Variants in HYAL4 observed in about 807,000 individuals in gnomAD.
The protein encoded by HYAL4 is hyaluronidase-4.
HYAL4 carries 37 observed loss-of-function variants against 35.2 expected under a neutral mutation model. The observed-to-expected ratio is 1.05, with a 90% CI of 0.81 to 1.38. The LOEUF (loss-of-function observed/expected upper bound fraction) is 1.38, where lower values mean the gene tolerates loss of function less well. HYAL4 is among the 40% of genes most tolerant of loss of function. The pLI is 0.00. For synonymous variants in HYAL4, 198 were observed against 203.2 expected (o/e 0.97, Z 0.22); for missense variants, 572 against 572.4 (o/e 1.00, Z 0.01).
the HYAL4 span, among the ~76,000 whole-genome samples, chr7:123,784,417 A>G: frequency 6.6e-6 from 1 of 152,210 alleles, no homozygotes; most frequent in African/African-American, 2.4e-5. Flanking sequence ...CACTGACCTC[A>G]CTTAATGACC....
the HYAL4 span, among the ~76,000 whole-genome samples, chr7:123,816,427 T>C: frequency 6.6e-6 from 1 of 152,176 alleles, no homozygotes; most frequent in East Asian, 1.9e-4. Flanking sequence ...TATTTATTCA[T>C]TGAGAAATTC....
the HYAL4 span, among the ~76,000 whole-genome samples, chr7:123,779,097 G>A: frequency 6.6e-6 from 1 of 152,022 alleles, no homozygotes; most frequent in African/African-American, 2.4e-5. Flanking sequence ...GCTTATATAA[G>A]ATTCCAGATT....
the HYAL4 span, among the ~76,000 whole-genome samples, chr7:123,780,544 A>G: frequency 2.0e-5 from 3 of 152,326 alleles, 1 homozygote; most frequent in South Asian, 4.1e-4. Flanking sequence ...ATCATCATCT[A>G]AGAATATATG....
At chr7:123,858,495 A>G (rs73226117) in intron 2 of HYAL4, among the ~76,000 whole-genome samples, 20 of 152,200 alleles carry the variant, frequency 1.3e-4, no homozygotes, top group Non-Finnish European at 2.6e-4. Flanking sequence ...ATTGCTGTCT[A>G]GGTTAGAAGA....
rs1563003470 is a variant in HYAL4, at chr7:123,868,589, G to A, written c.316G>A (p.Val106Ile). ...GYYPWYTSQG[V>I]PINGGLPQNI... ...CTATCCGTGGTATACATCACAAGGG[G>A]TCCCCATTAATGGAGGTCTCCCACA... is the stretch of plus-strand genomic sequence containing the variant. Residue 106 changes from valine to isoleucine, a missense_variant, in exon 3 of 5, where the codon GTC becomes ATC. By Grantham distance (29) the Val-to-Ile change is conservative. Transcript: ENST00000223026. 1 of 1,614,068 alleles carries A rather than the reference G, an allele frequency of 6.2e-7. No homozygotes were observed. Among genetic ancestry groups the A allele is most frequent in the African/African-American group, 1.3e-5 (1 of 74,920 alleles).
intron 1 of HYAL4, among the ~76,000 whole-genome samples, chr7:123,847,050 C>T (rs2116922983): frequency 6.6e-6 from 1 of 152,284 alleles, no homozygotes; most frequent in East Asian, 1.9e-4. Context: ...GTGCTCTCAG[C>T]TTTCCTGGTT....
the HYAL4 span, among the ~76,000 whole-genome samples, chr7:123,807,017 G>T: frequency 1.3e-5 from 2 of 152,108 alleles, no homozygotes; most frequent in Admixed American, 6.5e-5. Flanking sequence ...TGGACCTTTT[G>T]GGGGAAAATT....
At chr7:123,783,706 T>C in the HYAL4 span, among the ~76,000 whole-genome samples, 2 of 151,500 alleles carry the variant, frequency 1.3e-5, no homozygotes. Flanking sequence ...AATATAAGTT[T>C]AAAAAAAAAT....
the HYAL4 span, among the ~76,000 whole-genome samples, chr7:123,798,875 C>G: frequency 6.6e-6 from 1 of 152,062 alleles, no homozygotes; most frequent in African/African-American, 2.4e-5. Context: ...TTCTGTTACT[C>G]TAGAGTATGG....
chr7:123,866,237 A>T (rs1806684401), intron 2 of HYAL4, among the ~76,000 whole-genome samples: 1 of 152,206 alleles, frequency 6.6e-6, no homozygotes, highest in Admixed American at 6.5e-5. Flanking sequence ...CAATATCTCC[A>T]CTTAACAGTA....
At chr7:123,840,951 C>T (rs1301069275), upstream of HYAL4, among the ~76,000 whole-genome samples, 3 of 151,944 alleles carry the variant, frequency 2.0e-5, no homozygotes, top group African/African-American at 4.8e-5. Context: ...AACTTGACTT[C>T]CTCATTTCCT....
the HYAL4 span, among the ~76,000 whole-genome samples, chr7:123,802,252 CTTAAA>C: frequency 0.079 from 12,072 of 152,152 alleles, 513 homozygotes; most frequent in East Asian, 0.12. Flanking sequence ...CTTTTTTAAA[CTTAAA>C]TTAAATTTAT....
chr7:123,813,376 G>C, the HYAL4 span, among the ~76,000 whole-genome samples: 222 of 152,224 alleles, frequency 1.5e-3, 2 homozygotes, highest in African/African-American at 5.1e-3. Context: ...CAACAGACTA[G>C]TTAAAGGGGC....
At chr7:123,808,295 A>G in the HYAL4 span, among the ~76,000 whole-genome samples, 3 of 152,160 alleles carry the variant, frequency 2.0e-5, no homozygotes, top group South Asian at 2.1e-4. Flanking sequence ...TTCATAGTAC[A>G]TAAGAATGTG....
At chr7:123,824,705 C>T (rs1459899919), upstream of HYAL4, among the ~76,000 whole-genome samples, 1 of 152,112 alleles carries the variant, frequency 6.6e-6, no homozygotes, top group Non-Finnish European at 1.5e-5. Context: ...TGCCCTTGGA[C>T]TTTTCAGGAA....
At chr7:123,800,080 T>A in the HYAL4 span, among the ~76,000 whole-genome samples, 7 of 152,240 alleles carry the variant, frequency 4.6e-5, no homozygotes, top group East Asian at 1.2e-3. Flanking sequence ...GAAGGATCGC[T>A]TTAACTGGGT....
At chr7:123,841,134 T>C (rs750592833), upstream of HYAL4, among the ~76,000 whole-genome samples, 2 of 152,022 alleles carry the variant, frequency 1.3e-5, no homozygotes, top group Non-Finnish European at 1.5e-5. Flanking sequence ...TTGTCATAAA[T>C]AGCTCTTATT....
chr7:123,784,735 C>T, the HYAL4 span, among the ~76,000 whole-genome samples: 1 of 152,204 alleles, frequency 6.6e-6, no homozygotes, highest in African/African-American at 2.4e-5. Context: ...CAAACCACAT[C>T]TGCTTTTATT....
intron 2 of HYAL4, among the ~76,000 whole-genome samples, chr7:123,849,486 C>T (rs1806252862): frequency 6.6e-6 from 1 of 151,878 alleles, no homozygotes; most frequent in African/African-American, 2.4e-5. Flanking sequence ...TTTTTTGGTA[C>T]AGACAGGGTT....
Sources: gnomAD v4.1 joint callset for allele counts (sites outside exome capture counted in the v4.1 genomes callset) on GRCh38, gnomAD v4.1.1 for gene constraint, MANE v1.5 for transcripts, NCBI Gene and HGNC (gene_info 2026-07-23, HGNC 2026-07-21) for gene names.